Variants in SLC25A48 observed in about 807,000 individuals in gnomAD.
SLC25A48 encodes solute carrier family 25 member 48.
SLC25A48 carries 29 observed loss-of-function variants against 32.2 expected under a neutral mutation model. That is an observed-to-expected ratio of 0.90 (90% CI 0.67 to 1.23). SLC25A48 has a LOEUF of 1.23. SLC25A48 is among the 50% of genes most tolerant of loss of function. SLC25A48 has a pLI of 0.00. For missense variants in SLC25A48, 399 were observed against 422.7 expected (o/e 0.94, Z 0.49); for synonymous variants, 164 against 172.3 (o/e 0.95, Z 0.38).
chr5:135,787,777 A>G (rs1356282366), intron 3 of SLC25A48, among the ~76,000 whole-genome samples: 1 of 151,772 alleles, frequency 6.6e-6, no homozygotes, highest in East Asian at 1.9e-4. Context: ...TATTGTTCAT[A>G]ATATCCTAGG....
chr5:135,715,497 T>C (rs1194506167), intron 3 of SLC25A48, among the ~76,000 whole-genome samples: 1 of 152,194 alleles, frequency 6.6e-6, no homozygotes, highest in Non-Finnish European at 1.5e-5. Context: ...TTCCCAGCAT[T>C]GCCCCTTTGT....
chr5:135,741,139 A>G (rs943492301), intron 3 of SLC25A48, among the ~76,000 whole-genome samples: 1 of 152,216 alleles, frequency 6.6e-6, no homozygotes, highest in Admixed American at 6.5e-5. Flanking sequence ...ACGGAGGCAG[A>G]GTAAGCCTGG....
chr5:135,812,187 A>T (rs917472556), intron 3 of SLC25A48, among the ~76,000 whole-genome samples: 5 of 152,190 alleles, frequency 3.3e-5, no homozygotes, highest in Non-Finnish European at 5.9e-5. Context: ...CTATGGGTAC[A>T]TAGTAGGTGT....
chr5:135,603,856 T>TGAAGTGG (rs1751863707), intron 1 of SLC25A48, among the ~76,000 whole-genome samples: 2 of 94,144 alleles, frequency 2.1e-5, no homozygotes. Context: ...ACCTCCACTG[T>TGAAGTGG]GAAGTGGGAG....
chr5:135,670,456 C>A (rs966503642), intron 3 of SLC25A48, among the ~76,000 whole-genome samples: 3 of 152,200 alleles, frequency 2.0e-5, no homozygotes, highest in Admixed American at 6.5e-5. Context: ...AGGGTTGGAG[C>A]ATGGGCTTTG....
chr5:135,589,066 G>A (rs1043939876), intron 1 of SLC25A48, among the ~76,000 whole-genome samples: 1 of 152,162 alleles, frequency 6.6e-6, no homozygotes, highest in African/African-American at 2.4e-5. Context: ...GCCTGTGCCC[G>A]TGCACAGAAA....
At chr5:135,583,411 TG>T (rs1332709068) in intron 1 of SLC25A48, among the ~76,000 whole-genome samples, 1 of 152,074 alleles carries the variant, frequency 6.6e-6, no homozygotes, top group African/African-American at 2.4e-5. Flanking sequence ...TTTTCTGCCC[TG>T]GGAGCTGGGA....
Position 135,657,342 on chromosome 5 carries a change from C to T in SLC25A48, c.-521+22386C>T, listed in dbSNP as rs377530274. On this transcript the variant is annotated intron_variant, in intron 3 of 10. Transcript: ENST00000646290. ...GACCCTGGTTTGGTGAAAGATGTTT[C>T]TCAGAATGCTGTAGAACAGGGCTTT... Among the ~76,000 whole-genome samples, 81 of 152,208 alleles carry T rather than the reference C, an allele frequency of 5.3e-4. 1 individual carries two copies. The highest frequency in any genetic ancestry group is 1.9e-3 in the African/African-American group (80 of 41,442).
chr5:135,757,270 G>T (rs1382319985), intron 3 of SLC25A48, among the ~76,000 whole-genome samples: 2 of 149,274 alleles, frequency 1.3e-5, no homozygotes, highest in Non-Finnish European at 3.0e-5. Context: ...TCACCTATAT[G>T]ATATTTATAA....
intron 7 of SLC25A48, among the ~76,000 whole-genome samples, chr5:135,883,941 A>G (rs1158547311): frequency 6.6e-6 from 1 of 152,078 alleles, no homozygotes; most frequent in Non-Finnish European, 1.5e-5. Context: ...GCCTCTTCCA[A>G]TTCTGTGCCC....
chr5:135,617,074 A>T (rs1392119326), intron 1 of SLC25A48, among the ~76,000 whole-genome samples: 1 of 151,852 alleles, frequency 6.6e-6, no homozygotes, highest in Non-Finnish European at 1.5e-5. Flanking sequence ...TAATCAATAA[A>T]GGCATCCAAT....
intron 3 of SLC25A48, among the ~76,000 whole-genome samples, chr5:135,744,092 A>G (rs556843154): frequency 3.2e-4 from 48 of 152,310 alleles, no homozygotes; most frequent in African/African-American, 9.4e-4. Flanking sequence ...TCTGTATAGC[A>G]TAGATATACT....
chr5:135,603,151 A>G (rs1052676585), intron 1 of SLC25A48, among the ~76,000 whole-genome samples: 45 of 152,214 alleles, frequency 3.0e-4, no homozygotes, highest in African/African-American at 1.0e-3. Flanking sequence ...GCCCAGGCCC[A>G]TATCCTGGCT....
At chr5:135,618,384 T>C (rs989256336) in intron 1 of SLC25A48, among the ~76,000 whole-genome samples, 2 of 152,118 alleles carry the variant, frequency 1.3e-5, no homozygotes, top group Admixed American at 1.3e-4. Context: ...CTCTATCTTT[T>C]AAGTGTAAAG....
intron 3 of SLC25A48, among the ~76,000 whole-genome samples, chr5:135,798,913 A>C (rs1580892928): frequency 6.6e-6 from 1 of 151,056 alleles, no homozygotes; most frequent in Non-Finnish European, 1.5e-5. Flanking sequence ...TGCTGTCAAT[A>C]TCCTAAAGAG....
intron 1 of SLC25A48, among the ~76,000 whole-genome samples, chr5:135,586,162 A>C (rs1751361311): frequency 6.6e-6 from 1 of 152,138 alleles, no homozygotes; most frequent in Admixed American, 6.5e-5. Context: ...AAGCAATCTG[A>C]CTCTGGAGTC....
chr5:135,605,011 T>A (rs1183744774), intron 1 of SLC25A48, among the ~76,000 whole-genome samples: 1 of 152,256 alleles, frequency 6.6e-6, no homozygotes, highest in Admixed American at 6.5e-5. Context: ...TAGGTGTTCT[T>A]GAAATATAAA....
chr5:135,873,688 C>T (rs1016099491), intron 5 of SLC25A48, among the ~76,000 whole-genome samples: 2 of 152,240 alleles, frequency 1.3e-5, no homozygotes, highest in Admixed American at 6.5e-5. Flanking sequence ...CTAATAAATA[C>T]TGCCACGTCT....
At chr5:135,798,516 A>G (rs1399225272) in intron 3 of SLC25A48, among the ~76,000 whole-genome samples, 2 of 151,310 alleles carry the variant, frequency 1.3e-5, no homozygotes, top group Non-Finnish European at 3.0e-5. Context: ...GGGGGAGAGG[A>G]TGCTATTACT....
Sources: allele counts gnomAD v4.1 joint callset (sites outside exome capture counted in the v4.1 genomes callset), GRCh38; gene constraint gnomAD v4.1.1; transcripts MANE v1.5; gene names NCBI Gene and HGNC (gene_info 2026-07-23, HGNC 2026-07-21).